CORIN: variants seen among roughly 807,000 people sequenced by gnomAD.
CORIN encodes the protein atrial natriuretic peptide-converting enzyme.
CORIN carries 117 observed loss-of-function variants against 125.3 expected under a neutral mutation model. The ratio of observed to expected loss-of-function variants is 0.93; its 90% CI spans 0.80 to 1.09. The LOEUF is 1.09. Ranked by LOEUF, CORIN falls within the 50% of genes least tolerant of loss-of-function variation. CORIN has a pLI of 0.00. For missense variants in CORIN, 1,253 were observed against 1,306.7 expected, an observed-to-expected ratio of 0.96 and a Z score of 0.63; for synonymous variants, 450 against 466.4, an observed-to-expected ratio of 0.96 and a Z score of 0.45.
chr4:47,664,790 A>C (rs1174220049), intron 11 of CORIN, among the ~76,000 whole-genome samples: 1 of 152,232 alleles, frequency 6.6e-6, no homozygotes, highest in Admixed American at 6.5e-5. Context: ...TTATTTGATT[A>C]AAACACATAA....
Position 47,661,734 on chromosome 4 carries a change from A to G in CORIN, c.1712T>C (p.Leu571Pro). 1 of 1,612,952 alleles carries G rather than the reference A, an allele frequency of 6.2e-7. No homozygotes were observed. The highest frequency in any genetic ancestry group is 1.7e-5 in the Admixed American group (1 of 59,958). Residue 571 changes from leucine (L) to proline (P), a missense_variant, in exon 12 of 22, where the codon CTG becomes CCG. Leu to Pro is a moderately conservative substitution (Grantham distance 98, BLOSUM62 -3). Coordinates refer to ENST00000273857, the MANE Select transcript of CORIN (RefSeq NM_006587.4). Reference sequence around the variant, plus strand: ...ACCTTCCACATATTCATCAGGCATCAGGCAGGTTTGATTGTCTGAATTTTC... The same window carrying G: ...ACCTTCCACATATTCATCAGGCATCGGGCAGGTTTGATTGTCTGAATTTTC... ...PEENSDNQTC[L>P]MPDEYVEECS...
At chr4:47,642,770 G>T in intron 15 of CORIN, 1 of 1,254,396 alleles carries the variant, frequency 8.0e-7, no homozygotes, top group Non-Finnish European at 1.1e-6. Context: ...TGTAGGGAAG[G>T]CAGAGGGGCC....
chr4:47,640,517 A>G (rs1172646218), intron 16 of CORIN, among the ~76,000 whole-genome samples: 1 of 152,214 alleles, frequency 6.6e-6, no homozygotes, highest in Non-Finnish European at 1.5e-5. Flanking sequence ...CCTAGTGAGT[A>G]CACAGTTTCC....
intron 1 of CORIN, among the ~76,000 whole-genome samples, chr4:47,825,302 C>T (rs1476224286): frequency 6.6e-6 from 1 of 152,190 alleles, no homozygotes; most frequent in Non-Finnish European, 1.5e-5. Flanking sequence ...AGAAGTGAGG[C>T]CTGGGAGTCC....
At chr4:47,662,555 C>A (rs1481080560) in intron 11 of CORIN, among the ~76,000 whole-genome samples, 5 of 152,008 alleles carry the variant, frequency 3.3e-5, no homozygotes, top group African/African-American at 9.6e-5. Flanking sequence ...TTCTTTACTT[C>A]TTTTTTTACT....
rs200686778 is a variant in CORIN, at chr4:47,658,369, C to T, written c.1735+3342G>A. Among the ~76,000 whole-genome samples, 14 of 152,356 alleles carry T rather than the reference C, an allele frequency of 9.2e-5. No homozygotes were observed. The East Asian group carries it at 2.1e-3, about 23-fold the overall frequency. On this transcript the variant is annotated intron_variant, in intron 12 of 21. Transcript: ENST00000273857. ...TTCCAGGGTTCAGTCCCCATGGCTA[C>T]TTTCACAGGTTGTTGAGTGCCAACA...
At chr4:47,780,546 A>C (rs894358585) in intron 3 of CORIN, among the ~76,000 whole-genome samples, 4 of 152,306 alleles carry the variant, frequency 2.6e-5, no homozygotes, top group African/African-American at 9.6e-5. Context: ...TCCTCCAAAA[A>C]TCTACTCCTC....
chr4:47,832,863 C>T (rs1733122886), intron 1 of CORIN, among the ~76,000 whole-genome samples: 1 of 152,132 alleles, frequency 6.6e-6, no homozygotes, highest in Non-Finnish European at 1.5e-5. Flanking sequence ...ACAGTTGCCA[C>T]CAGCTTTATA....
At chr4:47,820,780 T>C (rs1267436316) in intron 1 of CORIN, among the ~76,000 whole-genome samples, 1 of 152,142 alleles carries the variant, frequency 6.6e-6, no homozygotes, top group African/African-American at 2.4e-5. Flanking sequence ...CAGTAGTCCC[T>C]GTCCTTATGG....
intron 5 of CORIN, among the ~76,000 whole-genome samples, chr4:47,723,626 G>T (rs1415749766): frequency 6.6e-6 from 1 of 152,140 alleles, no homozygotes; most frequent in East Asian, 1.9e-4. Context: ...GCATTTTCCA[G>T]AGAATTCTAA....
chr4:47,757,867 C>CATAT (rs1274991991), intron 4 of CORIN, among the ~76,000 whole-genome samples: 4 of 91,742 alleles, frequency 4.4e-5, no homozygotes, highest in Non-Finnish European at 8.8e-5. Context: ...CATATATATA[C>CATAT]ATATATATAT....
At chr4:47,722,629 G>A (rs191827252) in intron 5 of CORIN, among the ~76,000 whole-genome samples, 80 of 152,272 alleles carry the variant, frequency 5.3e-4, no homozygotes, top group Non-Finnish European at 9.7e-4. Context: ...AATAAACCCC[G>A]AAAGCAGAGG....
intron 1 of CORIN, among the ~76,000 whole-genome samples, chr4:47,832,026 T>C (rs752255632): frequency 4.6e-5 from 7 of 152,350 alleles, no homozygotes; most frequent in Middle Eastern, 3.4e-3. Flanking sequence ...TTGGTGGATC[T>C]TTCCCCCAAA....
At chr4:47,783,596 A>G (rs1324244825) in intron 3 of CORIN, among the ~76,000 whole-genome samples, 1 of 152,146 alleles carries the variant, frequency 6.6e-6, no homozygotes, top group African/African-American at 2.4e-5. Flanking sequence ...GTATATTTAA[A>G]TAGCTTTTAC....
At chr4:47,718,682 T>G (rs985808215) in intron 5 of CORIN, among the ~76,000 whole-genome samples, 1 of 152,248 alleles carries the variant, frequency 6.6e-6, no homozygotes, top group Non-Finnish European at 1.5e-5. Flanking sequence ...CCCACTGTTT[T>G]TCAGTTTTCC....
intron 2 of CORIN, among the ~76,000 whole-genome samples, chr4:47,794,023 T>A (rs1291704871): frequency 6.6e-6 from 1 of 152,050 alleles, no homozygotes; most frequent in Non-Finnish European, 1.5e-5. Context: ...AGAAAAAAAA[T>A]TGTCATGCTT....
At chr4:47,597,117 C>T (rs1169277743) in intron 21 of CORIN, among the ~76,000 whole-genome samples, 2 of 151,884 alleles carry the variant, frequency 1.3e-5, no homozygotes, top group African/African-American at 4.8e-5. Context: ...TTTGGGAGGC[C>T]GAGGCAGGCA....
Position 47,838,067 on chromosome 4 carries a change from T to C in CORIN, c.-118A>G. 1 of 1,523,616 alleles carries C rather than the reference T, an allele frequency of 6.6e-7. No individual in the cohort carries two copies. The highest frequency in any genetic ancestry group is 8.7e-7 in the Non-Finnish European group (1 of 1,144,900). The allele number at this position is 1,523,616 out of a possible 1,614,324, so 94.4% of individuals were successfully genotyped here. On this transcript the variant is annotated 5_prime_UTR_variant, in exon 1 of 22. Coordinates refer to ENST00000273857, the MANE Select transcript of CORIN (RefSeq NM_006587.4). ...TTCTCCAAGCTCAAGAGAGACAAACTGAACTTTAAGCGCCAGGGGCCCCAT... is the reference window on the plus strand; with the variant it reads ...TTCTCCAAGCTCAAGAGAGACAAACCGAACTTTAAGCGCCAGGGGCCCCAT...
chr4:47,623,519 G>C (rs1374325994), intron 19 of CORIN, 52 bp downstream of exon 19: 1 of 1,581,976 alleles, frequency 6.3e-7, no homozygotes, highest in Non-Finnish European at 8.6e-7. Flanking sequence ...GAATTCCCGA[G>C]TGACAAAGTG....
Sources: gnomAD v4.1 joint callset for allele counts (sites outside exome capture counted in the v4.1 genomes callset) on GRCh38, gnomAD v4.1.1 for gene constraint, MANE v1.5 for transcripts, NCBI Gene and HGNC (gene_info 2026-07-23, HGNC 2026-07-21) for gene names.